Variants in SOX5 observed in about 807,000 individuals in gnomAD.
The protein encoded by SOX5 is SRY-box transcription factor 5, also known as transcription factor SOX-5.
SOX5 carries 9 observed loss-of-function variants against 92.0 expected under a neutral mutation model. The ratio of observed to expected loss-of-function variants is 0.10; its 90% CI spans 0.06 to 0.17. The LOEUF (loss-of-function observed/expected upper bound fraction) is 0.17, where lower values mean the gene tolerates loss of function less well. SOX5 is among the 10% of genes least tolerant of loss of function. SOX5 has a pLI of 1.00. For synonymous variants in SOX5, 344 were observed against 336.3 expected, an observed-to-expected ratio of 1.02 and a Z score of -0.25; for missense variants, 642 against 944.5, an observed-to-expected ratio of 0.68 and a Z score of 4.20.
intron 4 of SOX5, among the ~76,000 whole-genome samples, chr12:24,160,790 A>T (rs774014083): frequency 4.6e-5 from 7 of 152,000 alleles, no homozygotes; most frequent in Non-Finnish European, 5.9e-5. Context: ...TTAATACAAA[A>T]AATTCTAGAC....
At chr12:24,055,511 T>C (rs933663117) in intron 4 of SOX5, among the ~76,000 whole-genome samples, 5 of 152,360 alleles carry the variant, frequency 3.3e-5, no homozygotes, top group South Asian at 2.1e-4. Flanking sequence ...CTGAGTGGTA[T>C]AGACCCTCTT....
intron 3 of SOX5, among the ~76,000 whole-genome samples, chr12:23,795,073 A>G (rs1393227855): frequency 1.3e-5 from 2 of 152,122 alleles, no homozygotes; most frequent in African/African-American, 4.8e-5. Flanking sequence ...AGATTTGACC[A>G]TGAGGATTCA....
chr12:23,982,763 T>A (rs1392327165), intron 4 of SOX5, among the ~76,000 whole-genome samples: 1 of 151,962 alleles, frequency 6.6e-6, no homozygotes, highest in Non-Finnish European at 1.5e-5. Context: ...TAACCTAATA[T>A]ATCCAAAATA....
At chr12:24,397,811 C>A (rs1466590220) in intron 1 of SOX5, among the ~76,000 whole-genome samples, 1 of 151,808 alleles carries the variant, frequency 6.6e-6, no homozygotes. Context: ...ATATTCTTTG[C>A]ATCTTCATAA....
chr12:24,074,070 C>T (rs563049888), intron 4 of SOX5, among the ~76,000 whole-genome samples: 75 of 152,080 alleles, frequency 4.9e-4, no homozygotes, highest in African/African-American at 1.8e-3. Context: ...TCAGTGTACA[C>T]AAGATGTAGA....
intron 1 of SOX5, among the ~76,000 whole-genome samples, chr12:24,444,030 G>A (rs892364296): frequency 1.3e-5 from 2 of 152,322 alleles, no homozygotes; most frequent in South Asian, 2.1e-4. Context: ...ATGTGGGGAT[G>A]TGGAAGGGGT....
chr12:24,322,184 C>G (rs774529713), intron 2 of SOX5, among the ~76,000 whole-genome samples: 1 of 152,082 alleles, frequency 6.6e-6, no homozygotes, highest in Admixed American at 6.5e-5. Context: ...TTTTAGGAAT[C>G]TCATTCATGA....
At chr12:24,208,160 T>C (rs772065557) in intron 4 of SOX5, among the ~76,000 whole-genome samples, 2 of 152,176 alleles carry the variant, frequency 1.3e-5, no homozygotes, top group Non-Finnish European at 2.9e-5. Context: ...CACGCCTGAC[T>C]TTCCTGAACT....
chr12:23,541,188 T>C (rs545019661), intron 13 of SOX5, among the ~76,000 whole-genome samples: 1 of 152,330 alleles, frequency 6.6e-6, no homozygotes, highest in African/African-American at 2.4e-5. Context: ...AGTCATCTCT[T>C]TTCCATAGAT....
At chr12:24,435,523 T>C (rs537841987) in intron 1 of SOX5, among the ~76,000 whole-genome samples, 1 of 152,356 alleles carries the variant, frequency 6.6e-6, no homozygotes, top group South Asian at 2.1e-4. Flanking sequence ...AGATTATACA[T>C]TTCTTGAAGG....
chr12:23,611,397 T>TA (rs2075943422), intron 8 of SOX5, among the ~76,000 whole-genome samples: 1 of 150,704 alleles, frequency 6.6e-6, no homozygotes, highest in Non-Finnish European at 1.5e-5. Context: ...TGTGTGTGTA[T>TA]TTATACATAT....
At chr12:24,224,226 A>C (rs1961308155) in intron 3 of SOX5, among the ~76,000 whole-genome samples, 1 of 151,842 alleles carries the variant, frequency 6.6e-6, no homozygotes, top group Middle Eastern at 3.2e-3. Flanking sequence ...CGCTTCACTC[A>C]ATTAGTGGAC....
chr12:24,216,378 G>A (rs1303051768), intron 3 of SOX5, among the ~76,000 whole-genome samples: 1 of 152,160 alleles, frequency 6.6e-6, no homozygotes, highest in Non-Finnish European at 1.5e-5. Flanking sequence ...CAGCTACTCC[G>A]GAGGCTGGGG....
chr12:24,283,395 C>G (rs1167509851), intron 2 of SOX5, among the ~76,000 whole-genome samples: 3 of 152,142 alleles, frequency 2.0e-5, no homozygotes, highest in Admixed American at 2.0e-4. Context: ...TATTTTCCTC[C>G]TGGTAATATC....
In SOX5 at chr12:23,979,698, GTTTTTTTTGTTT is replaced by G. The variant is rs1180873567; in HGVS notation, c.-1-83686_-1-83675del. The stretch of plus-strand genomic sequence containing the variant: ...TTCTTCCTTCCATATATATATATAT[GTTTTTTTTGTTT>G]TTTTTTTTTTTTTTTTTTTTTTTTG... On this transcript the variant is annotated intron_variant, in intron 4 of 4. Transcript: ENST00000446891. Among the ~76,000 whole-genome samples, 259 of 64,652 alleles carry G rather than the reference GTTTTTTTTGTTT, an allele frequency of 4.0e-3. 12 individuals are homozygous for G. The highest frequency in any genetic ancestry group is 9.5e-3 in the African/African-American group (167 of 17,518). 42.4% of individuals were successfully genotyped at this position (64,652 alleles called of 152,430 possible).
At chr12:24,436,034 T>C (rs1939365855) in intron 1 of SOX5, among the ~76,000 whole-genome samples, 1 of 152,210 alleles carries the variant, frequency 6.6e-6, no homozygotes, top group South Asian at 2.1e-4. Context: ...TTGTGTGTGC[T>C]CTGACTGCTC....
chr12:24,502,161 A>G (rs373877856), intron 1 of SOX5, among the ~76,000 whole-genome samples: 1 of 152,230 alleles, frequency 6.6e-6, no homozygotes, highest in Non-Finnish European at 1.5e-5. Context: ...AAATGAATGC[A>G]TGGGGCAAGA....
rs1939168650 is a variant in SOX5 at position 23,531,909 on chromosome 12, GTGTAT to G, written c.*2305_*2309del. On this transcript the variant is annotated 3_prime_UTR_variant, in exon 15 of 15. Coordinates refer to ENST00000451604, the MANE Select transcript of SOX5 (RefSeq NM_006940.6). ...ATTGTGGGTAAATGTGTGTGTGTGT[GTGTAT>G]ATGTGTGTATATATATGTATATATA... 6.7e-6 allele frequency: 1 copy of G among 149,078 alleles called. No homozygotes were observed. 9.2% of individuals were successfully genotyped at this position (149,078 alleles called of 1,614,324 possible). A position where few individuals can be genotyped will look rare whatever the true frequency, so the allele number is the denominator to read the frequency against.
chr12:24,129,166 A>C (rs1319210029), intron 4 of SOX5, among the ~76,000 whole-genome samples: 1 of 152,238 alleles, frequency 6.6e-6, no homozygotes, highest in Non-Finnish European at 1.5e-5. Flanking sequence ...GAAAATATTG[A>C]AAATACATCC....
Sources: gnomAD v4.1 joint callset for allele counts (sites outside exome capture counted in the v4.1 genomes callset) on GRCh38, gnomAD v4.1.1 for gene constraint, MANE v1.5 for transcripts, NCBI Gene and HGNC (gene_info 2026-07-23, HGNC 2026-07-21) for gene names.